The following TET2 variants were observed in gnomAD, a reference collection of about 807,000 sequenced individuals.
TET2 encodes the protein tet methylcytosine dioxygenase 2.
TET2 carries 299 observed loss-of-function variants against 142.9 expected under a neutral mutation model. The ratio of observed to expected loss-of-function variants is 2.09; its 90% confidence interval spans 1.90 to 2.30. The LOEUF (loss-of-function observed/expected upper bound fraction) is 2.30, where lower values mean the gene tolerates loss of function less well. TET2 is among the 30% of genes most tolerant of loss of function. The probability of loss-of-function intolerance (pLI) is 0.00; values close to 1 mark genes in which losing one functional copy is unlikely to be tolerated. For synonymous variants in TET2, 819 were observed against 849.0 expected, an observed-to-expected ratio of 0.96 and a Z score of 0.61; for missense variants, 2,418 against 2,378.0, an observed-to-expected ratio of 1.02 and a Z score of -0.35.
chr4:105,267,599 T>A, intron 8 of TET2, among the ~76,000 whole-genome samples: 1 of 138,762 alleles, frequency 7.2e-6, no homozygotes, highest in Non-Finnish European at 1.6e-5. Context: ...ATGAAATCAA[T>A]CCAAAAATGT....
chr4:105,266,652 C>T (rs1012646060), intron 8 of TET2, among the ~76,000 whole-genome samples: 1 of 151,786 alleles, frequency 6.6e-6, no homozygotes, highest in African/African-American at 2.4e-5. Context: ...ATTAAAAATA[C>T]ACTAGGCGGA....
chr4:105,236,435 G>A lies in TET2; in HGVS notation c.2493G>A (p.Gln831=). The A allele has an allele frequency of 6.2e-7, 1 of 1,614,008 alleles. No homozygotes were observed. Among genetic ancestry groups the A allele is most frequent in the Non-Finnish European group, 8.5e-7 (1 of 1,179,984 alleles). ...TGAAATCAAGTGCATGCAAAATACA[G>A]GTTTCTTGTTCAAACAATACACACC... ...QTMKSSACKI[Q]VSCSNNTHLV... is the part of the protein sequence containing the mutation. Residue 831 remains glutamine (Q), a synonymous_variant, in exon 3 of 11, where the codon CAG becomes CAA. Transcript: ENST00000380013.
chr4:105,271,737 A>AAGTT (rs1730974174), intron 9 of TET2, among the ~76,000 whole-genome samples: 1 of 152,216 alleles, frequency 6.6e-6, no homozygotes, highest in South Asian at 2.1e-4. Context: ...AAATACTAAA[A>AAGTT]AGTTAGTATT....
chr4:105,163,878 T>TGC (rs1724016353), intron 1 of TET2, among the ~76,000 whole-genome samples: 2 of 151,736 alleles, frequency 1.3e-5, no homozygotes, highest in Non-Finnish European at 2.9e-5. Context: ...TGTGTGTGTG[T>TGC]GTGTGTGTGT....
chr4:105,169,331 A>C (rs1724325799), intron 1 of TET2, among the ~76,000 whole-genome samples: 2 of 152,108 alleles, frequency 1.3e-5, no homozygotes, highest in African/African-American at 4.8e-5. Flanking sequence ...ATCATTAGTG[A>C]TATTGAACAT....
At chr4:105,242,131 A>G (rs1011291761) in intron 4 of TET2, 47 of 1,163,122 alleles carry the variant, frequency 4.0e-5, no homozygotes, top group Non-Finnish European at 4.7e-5. Context: ...TACTTAGGAT[A>G]CATTGGGGCA....
In TET2 at chr4:105,275,464, C is replaced by T. The variant is rs2110313339; in HGVS notation, c.4954C>T (p.Gln1652Ter). 2.6e-6 allele frequency: 4 copies of T among 1,551,688 alleles called. No homozygotes were observed. The highest frequency in any genetic ancestry group is 3.5e-6 in the Non-Finnish European group (4 of 1,146,970). The change falls in exon 11 of 11, where the codon CAG becomes TAG. Residue 1652 changes from glutamine to a stop codon, truncating the protein, a stop_gained. Coordinates refer to ENST00000380013, the MANE Select transcript of TET2 (RefSeq NM_001127208.3). LOFTEE classifies it low-confidence loss of function (END_TRUNC). ...CCCATATCTGGGTTCCTATTCTCCC[C>T]AGTCTCAGCCGATGGATCTGTATAG... ...CSPYLGSYSP[Q>*]SQPMDLYRYP... is the part of the protein sequence containing the mutation.
chr4:105,269,543 C>T, intron 8 of TET2, 67 bp from the exon 9 acceptor site: 1 of 1,503,470 alleles, frequency 6.7e-7, no homozygotes, highest in Non-Finnish European at 9.0e-7. Flanking sequence ...GGTCTAAATA[C>T]TAGTGAGTTT....
intron 6 of TET2, among the ~76,000 whole-genome samples, chr4:105,246,964 A>AT (rs570021652): frequency 1.9e-3 from 295 of 152,272 alleles, no homozygotes; most frequent in African/African-American, 6.9e-3. Flanking sequence ...TCTAACCAGT[A>AT]TTTTTTTGGC....
chr4:105,276,405 G>A lies in TET2; in HGVS notation c.5895G>A (p.Leu1965=). Residue 1965 remains leucine, a synonymous_variant, in exon 11 of 11, where the codon CTG becomes CTA. Coordinates refer to ENST00000380013, the MANE Select transcript of TET2 (RefSeq NM_001127208.3). ...ATGAAACTTCAGAGCCCACTTACCT[G>A]CGTTTCATCAAGTCTCTTGCCGAAA... ...EPHETSEPTY[L]RFIKSLAERT... The A allele has an allele frequency of 6.4e-7, 1 of 1,551,968 alleles. No homozygotes were observed. Among genetic ancestry groups the A allele is most frequent in the Non-Finnish European group, 8.7e-7 (1 of 1,147,056 alleles).
At chr4:105,256,926 C>CTTGAG (rs1730165567) in intron 6 of TET2, among the ~76,000 whole-genome samples, 1 of 151,822 alleles carries the variant, frequency 6.6e-6, no homozygotes, top group African/African-American at 2.4e-5. Flanking sequence ...ATATCTTTTT[C>CTTGAG]TTGAGTTTAT....
intron 2 of TET2, among the ~76,000 whole-genome samples, chr4:105,196,591 G>A (rs546179479): frequency 2.9e-4 from 44 of 152,138 alleles, no homozygotes; most frequent in African/African-American, 9.2e-4. Context: ...AATCTTTACC[G>A]TGACATCGTA....
At chr4:105,174,101 T>C (rs1449803392) in intron 1 of TET2, among the ~76,000 whole-genome samples, 1 of 152,166 alleles carries the variant, frequency 6.6e-6, no homozygotes, top group African/African-American at 2.4e-5. Flanking sequence ...ATTTGTTCTA[T>C]AGCTATACTG....
intron 2 of TET2, among the ~76,000 whole-genome samples, chr4:105,213,273 CTTTT>C (rs1727283270): frequency 6.6e-6 from 1 of 152,028 alleles, no homozygotes; most frequent in Admixed American, 6.6e-5. Flanking sequence ...CAGTATAGTT[CTTTT>C]GTTATTCTAA....
intron 8 of TET2, among the ~76,000 whole-genome samples, chr4:105,263,422 G>A (rs1299292185): frequency 2.0e-5 from 3 of 152,192 alleles, no homozygotes; most frequent in Admixed American, 2.0e-4. Context: ...GAAATGGCAG[G>A]AATTAAGTAT....
rs920762823 is a variant in TET2 at position 105,235,444 on chromosome 4, G to C, written c.1502G>C (p.Cys501Ser). 6.2e-7 allele frequency: 1 copy of C among 1,614,184 alleles called. No homozygotes were observed. Among genetic ancestry groups the C allele is most frequent in the African/African-American group, 1.3e-5 (1 of 75,040 alleles). ...QTAGTMTVPL[C>S]SEKTRPMSEH... ...GCAGGGACAATGACTGTTCCATTGT[G>C]TTCTGAGAAAACAAGACCAATGTCA... is the stretch of plus-strand genomic sequence containing the variant. Residue 501 changes from cysteine to serine, a missense_variant, in exon 3 of 11, where the codon TGT becomes TCT. Transcript: ENST00000380013.
Position 105,236,577 on chromosome 4 carries a change from C to T in TET2, c.2635C>T (p.Leu879Phe). The T allele has an allele frequency of 1.2e-6, 2 of 1,614,114 alleles. No individual in the cohort carries two copies. The highest frequency in any genetic ancestry group is 1.1e-5 in the South Asian group (1 of 91,090). The change falls in exon 3 of 11, where the codon CTT becomes TTT. Residue 879 changes from leucine (L) to phenylalanine (F), a missense_variant. By Grantham distance (22) the Leu-to-Phe change is conservative. Transcript: ENST00000380013. ...TAATGTGATCCCAAAGCAAGATCTT[C>T]TTCACAGGTGCTTTCAAGAACAGGA... is the stretch of plus-strand genomic sequence containing the variant. ...PNNVIPKQDL[L>F]HRCFQEQEQK... is the part of the protein sequence containing the mutation.
At chr4:105,271,729 A>G (rs1331360106) in intron 9 of TET2, among the ~76,000 whole-genome samples, 4 of 152,240 alleles carry the variant, frequency 2.6e-5, no homozygotes, top group African/African-American at 9.6e-5. Context: ...AAAACACTAA[A>G]TACTAAAAAG....
intron 2 of TET2, among the ~76,000 whole-genome samples, chr4:105,215,314 T>C (rs1189345475): frequency 1.3e-5 from 2 of 152,160 alleles, no homozygotes; most frequent in East Asian, 1.9e-4. Flanking sequence ...CTAAAAAGAA[T>C]AGGTTATTTC....
Sources: allele counts gnomAD v4.1 joint callset (sites outside exome capture counted in the v4.1 genomes callset), GRCh38; gene constraint gnomAD v4.1.1; transcripts MANE v1.5; gene names NCBI Gene and HGNC (gene_info 2026-07-23, HGNC 2026-07-21).